Variants in GOLGA4 observed in about 807,000 individuals in gnomAD.
GOLGA4 encodes the protein golgin A4, also known as golgin subfamily A member 4.
In GOLGA4, 169 loss-of-function variants were observed where a neutral mutation model predicts 265.9. The observed-to-expected ratio is 0.64, with a 90% confidence interval of 0.56 to 0.72. The LOEUF is 0.72. Ranked by LOEUF, GOLGA4 falls within the 30% of genes least tolerant of loss-of-function variation. GOLGA4 has a pLI of 0.00. For synonymous variants in GOLGA4, 923 were observed against 855.8 expected, an observed-to-expected ratio of 1.08 and a Z score of -1.37; for missense variants, 2,482 against 2,483.4, an observed-to-expected ratio of 1.00 and a Z score of 0.01.
chr3:37,276,948 T>C (rs1381329666), intron 2 of GOLGA4, among the ~76,000 whole-genome samples: 1 of 152,200 alleles, frequency 6.6e-6, no homozygotes, highest in Non-Finnish European at 1.5e-5. Context: ...ATTCTGTTAC[T>C]CTCTGTTATT....
chr3:37,279,824 T>C (rs905517780), intron 2 of GOLGA4, among the ~76,000 whole-genome samples: 2 of 151,998 alleles, frequency 1.3e-5, no homozygotes, highest in Admixed American at 1.3e-4. Flanking sequence ...CGGGAATCAC[T>C]TGAACCCGGG....
Position 37,296,166 on chromosome 3 carries a change from A to G in GOLGA4, c.761A>G (p.Gln254Arg). The change falls in exon 7 of 24, where the codon CAG becomes CGG. Residue 254 changes from glutamine (Q) to arginine (R), a missense_variant. Physicochemically the swap from Gln to Arg is conservative, Grantham distance 43 (BLOSUM62 1). Around this residue, in one of 3 missense-constraint regions of GOLGA4, gnomAD observed 1,536 missense variants for 1,483.7 expected, o/e 1.04. Coordinates refer to ENST00000361924, the MANE Select transcript of GOLGA4 (RefSeq NM_002078.5). ...AAACCACTTCCTCAGCTGGAACCAC[A>G]GGCTGAAGTCTTCACTAAAGAAGAG... ...VLKPLPQLEPQAEVFTKEENP... is the reference protein window; with the variant it reads ...VLKPLPQLEPRAEVFTKEENP... 6.2e-7 allele frequency: 1 copy of G among 1,613,288 alleles called. No homozygotes were observed. Among genetic ancestry groups the G allele is most frequent in the Non-Finnish European group, 8.5e-7 (1 of 1,179,190 alleles).
Position 37,315,651 on chromosome 3 carries a change from T to C in GOLGA4, c.1413+53T>C, listed in dbSNP as rs1248014190. On this transcript the variant is annotated intron_variant, in intron 11 of 23. Coordinates refer to ENST00000361924, the MANE Select transcript of GOLGA4 (RefSeq NM_002078.5). ...CTACAACAAATTTGAAATTTAAGTG[T>C]ATTTTTCCTTACACTCTTTGACTGT... 48 of 1,387,794 alleles carry C rather than the reference T, an allele frequency of 3.5e-5. No individual in the cohort carries two copies. In the East Asian group the frequency reaches 1.0e-3, roughly 30 times the overall value. 86.0% of individuals were successfully genotyped at this position (1,387,794 alleles called of 1,614,324 possible). A position where few individuals can be genotyped will look rare whatever the true frequency, so the allele number is the denominator to read the frequency against.
In GOLGA4 at chr3:37,324,907, A is replaced by ACAGGCTAACTCAGCTGGAATCAGTGATG. The variant is rs1181764312; in HGVS notation, c.3025_3052dup (p.Val1018GlyfsTer2). ...TTAATGCCAAAATGCTGGAAATGGCACAGGCTAACTCAGCTGGAATCAGTG... is the reference window on the plus strand; with the variant it reads ...TTAATGCCAAAATGCTGGAAATGGCACAGGCTAACTCAGCTGGAATCAGTGATGCAGGCTAACTCAGCTGGAATCAGTG... On this transcript the variant is annotated frameshift_variant, in exon 14 of 24. Transcript: ENST00000361924. LOFTEE classifies it high-confidence loss of function. 6.2e-7 allele frequency: 1 copy of ACAGGCTAACTCAGCTGGAATCAGTGATG among 1,606,798 alleles called. No individual in the cohort carries two copies. The highest frequency in any genetic ancestry group is 1.7e-5 in the Admixed American group (1 of 57,966).
intron 2 of GOLGA4, among the ~76,000 whole-genome samples, chr3:37,264,383 A>G (rs550692974): frequency 7.2e-5 from 11 of 152,342 alleles, no homozygotes; most frequent in African/African-American, 2.6e-4. Context: ...AGAGCCAAAG[A>G]GGCATTTAGC....
chr3:37,338,453 A>G (rs1489680042), intron 19 of GOLGA4, among the ~76,000 whole-genome samples: 1 of 152,092 alleles, frequency 6.6e-6, no homozygotes, highest in Non-Finnish European at 1.5e-5. Flanking sequence ...ATGTGACTTT[A>G]TTTTTTTGTT....
At chr3:37,300,623 C>CA (rs2096890147) in intron 9 of GOLGA4, among the ~76,000 whole-genome samples, 1 of 152,078 alleles carries the variant, frequency 6.6e-6, no homozygotes, top group Non-Finnish European at 1.5e-5. Flanking sequence ...TGTACCTTCT[C>CA]AACTGTCATT....
chr3:37,315,540 G>C lies in GOLGA4; in HGVS notation c.1355G>C (p.Arg452Pro), dbSNP rs769948063. 1.9e-6 allele frequency: 3 copies of C among 1,613,694 alleles called. No homozygotes were observed. The highest frequency in any genetic ancestry group is 1.1e-5 in the South Asian group (1 of 91,054). Residue 452 changes from arginine to proline, a missense_variant, in exon 11 of 24, where the codon CGC becomes CCC. By Grantham distance (103) the Arg-to-Pro change is moderately radical. Coordinates refer to ENST00000361924, the MANE Select transcript of GOLGA4 (RefSeq NM_002078.5). ...KTIEKTSEEE[R>P]ISLQQELSRV... Reference sequence around the variant, plus strand: ...ATCGAAAAAACAAGTGAGGAGGAACGCATCAGTCTTCAACAGGAATTAAGT... The same window carrying C: ...ATCGAAAAAACAAGTGAGGAGGAACCCATCAGTCTTCAACAGGAATTAAGT...
intron 10 of GOLGA4, among the ~76,000 whole-genome samples, chr3:37,308,648 C>A (rs2096914043): frequency 6.6e-6 from 1 of 151,570 alleles, no homozygotes; most frequent in African/African-American, 2.4e-5. Context: ...CAGAGTCTCA[C>A]TCTGTCGCCC....
chr3:37,289,897 A>G (rs1376480662), intron 5 of GOLGA4, among the ~76,000 whole-genome samples: 1 of 152,128 alleles, frequency 6.6e-6, no homozygotes, highest in Admixed American at 6.5e-5. Context: ...TTTTACTGCT[A>G]TTGGTGTTTT....
At chr3:37,346,106 G>A (rs1486630646) in intron 20 of GOLGA4, among the ~76,000 whole-genome samples, 1 of 152,086 alleles carries the variant, frequency 6.6e-6, no homozygotes, top group African/African-American at 2.4e-5. Context: ...TCATTATTTA[G>A]TTCTTAAGAA....
chr3:37,324,664 A>G lies in GOLGA4; in HGVS notation c.2778A>G (p.Ile926Met). The change falls in exon 14 of 24, where the codon ATA becomes ATG. Residue 926 changes from isoleucine to methionine, a missense_variant. Ile to Met is a conservative substitution (Grantham distance 10). Transcript: ENST00000361924. The part of the protein sequence containing the change: ...MREGQKKEIE[I>M]LTQKLSAKED... ...AAGGACAGAAGAAAGAAATTGAGAT[A>G]CTCACACAGAAATTGTCAGCCAAGG... The G allele has an allele frequency of 1.2e-6, 2 of 1,612,646 alleles. No homozygotes were observed. Among genetic ancestry groups the G allele is most frequent in the Non-Finnish European group, 1.7e-6 (2 of 1,179,342 alleles).
intron 10 of GOLGA4, among the ~76,000 whole-genome samples, chr3:37,313,935 G>T (rs1360813916): frequency 1.3e-5 from 2 of 151,220 alleles, no homozygotes; most frequent in Non-Finnish European, 2.9e-5. Context: ...GGGACCATCT[G>T]TATACACAAA....
intron 2 of GOLGA4, chr3:37,276,242 G>C: frequency 6.4e-7 from 1 of 1,556,472 alleles, no homozygotes; most frequent in Admixed American, 1.8e-5. Flanking sequence ...AAGGAATACA[G>C]ACATGAAATA....
At chr3:37,363,385 T>C (rs1230503479) in intron 23 of GOLGA4, among the ~76,000 whole-genome samples, 1 of 152,220 alleles carries the variant, frequency 6.6e-6, no homozygotes, top group Non-Finnish European at 1.5e-5. Context: ...AAATGTATAT[T>C]GTGCAGCATT....
At chr3:37,307,840 T>G (rs931973737) in intron 10 of GOLGA4, among the ~76,000 whole-genome samples, 1 of 152,226 alleles carries the variant, frequency 6.6e-6, no homozygotes, top group Non-Finnish European at 1.5e-5. Flanking sequence ...GGGATTATAT[T>G]TCTAATTTAA....
intron 5 of GOLGA4, among the ~76,000 whole-genome samples, chr3:37,291,889 T>C (rs1224141538): frequency 6.6e-6 from 1 of 152,204 alleles, no homozygotes; most frequent in Non-Finnish European, 1.5e-5. Context: ...GTTGGTTTTT[T>C]TTTTTAATCC....
rs201417675 is a variant in GOLGA4, at chr3:37,323,989, C to A, written c.2103C>A (p.His701Gln). The A allele has an allele frequency of 3.2e-5, 52 of 1,613,650 alleles. No homozygotes were observed. The African/African-American group carries it at 6.5e-4, about 20-fold the overall frequency. ...SELSEVLKARHKLEEELSVLK... is the reference protein window; with the variant it reads ...SELSEVLKARQKLEEELSVLK... ...TGTCAGAAGTATTAAAAGCCCGTCA[C>A]AAACTAGAAGAGGAACTTTCTGTTC... The change falls in exon 14 of 24, where the codon CAC (histidine) becomes CAA (glutamine). Residue 701 changes from histidine to glutamine, a missense_variant. His to Gln is a conservative substitution (Grantham distance 24). Around this residue, in one of 3 missense-constraint regions of GOLGA4, gnomAD observed 1,536 missense variants for 1,483.7 expected, o/e 1.04. Transcript: ENST00000361924.
intron 1 of GOLGA4, 113 bp downstream of exon 1, chr3:37,243,735 C>A (rs890462927): frequency 2.7e-5 from 23 of 838,656 alleles, no homozygotes; most frequent in Non-Finnish European, 4.1e-5. Flanking sequence ...ACCCCTAACC[C>A]GCACTTTTCC....
Sources: gnomAD v4.1 joint callset for allele counts (sites outside exome capture counted in the v4.1 genomes callset) on GRCh38, gnomAD v4.1.1 for gene constraint, gnomAD v4.1.1 regional missense constraint, MANE v1.5 for transcripts, NCBI Gene and HGNC (gene_info 2026-07-23, HGNC 2026-07-21) for gene names.